The following UBE3C variants were observed in gnomAD, a reference collection of about 807,000 sequenced individuals.
UBE3C encodes the protein ubiquitin-protein ligase E3C.
UBE3C carries 42 observed loss-of-function variants against 129.4 expected under a neutral mutation model. That is an observed-to-expected ratio of 0.32 (90% confidence interval 0.25 to 0.42). The LOEUF is 0.42. Ranked by LOEUF, UBE3C falls within the 10% of genes least tolerant of loss-of-function variation. The probability of loss-of-function intolerance (pLI) is 1.00; values close to 1 mark genes in which losing one functional copy is unlikely to be tolerated. For missense variants in UBE3C, 1,049 were observed against 1,319.1 expected, an observed-to-expected ratio of 0.80 and a Z score of 3.17; for synonymous variants, 510 against 492.4, an observed-to-expected ratio of 1.04 and a Z score of -0.47.
chr7:157,227,324 C>T (rs547148683), intron 17 of UBE3C, among the ~76,000 whole-genome samples: 10 of 152,210 alleles, frequency 6.6e-5, no homozygotes, highest in South Asian at 2.1e-4. Flanking sequence ...GTCAGGGGTA[C>T]TTGCAAGTGG....
At position 157,188,972 on chromosome 7, in the gene UBE3C, C is replaced by T. The variant is rs746620341; in HGVS notation, c.1331+1951C>T. On this transcript the variant is annotated intron_variant, in intron 10 of 22. Transcript: ENST00000348165. ...AGGGTGTACAAATGAATGTGGAGAC[C>T]TTTGTACCCTGACATGGAAAGATTT... is the stretch of plus-strand genomic sequence containing the variant. 9.2e-6 allele frequency: 6 copies of T among 653,644 alleles called. No individual in the cohort carries two copies. The East Asian group carries it at 1.3e-4, about 14-fold the overall frequency. The allele number at this position is 653,644 out of a possible 1,614,324, so 40.5% of individuals were successfully genotyped here.
At chr7:157,179,492 A>G (rs1053032282) in intron 6 of UBE3C, among the ~76,000 whole-genome samples, 1 of 152,204 alleles carries the variant, frequency 6.6e-6, no homozygotes, top group African/African-American at 2.4e-5. Context: ...GAGAAAAAGG[A>G]TGAAATAAAC....
At chr7:157,175,633 A>G (rs2116902567) in intron 5 of UBE3C, among the ~76,000 whole-genome samples, 1 of 152,220 alleles carries the variant, frequency 6.6e-6, no homozygotes, top group African/African-American at 2.4e-5. Flanking sequence ...ATTTCACTTA[A>G]TTTTCTGGAC....
At chr7:157,188,243 A>G (rs183395849) in intron 10 of UBE3C, among the ~76,000 whole-genome samples, 45 of 152,364 alleles carry the variant, frequency 3.0e-4, no homozygotes, top group Middle Eastern at 6.8e-3. Flanking sequence ...TTGTTTTTAT[A>G]AAATGCCATC....
intron 1 of UBE3C, among the ~76,000 whole-genome samples, chr7:157,149,600 C>G (rs1586643352): frequency 6.6e-6 from 1 of 152,164 alleles, no homozygotes; most frequent in Non-Finnish European, 1.5e-5. Flanking sequence ...TCTGGCTTGC[C>G]TCATGATATC....
At chr7:157,158,050 C>CTTTTTTTTTTT (rs60257662) in intron 1 of UBE3C, among the ~76,000 whole-genome samples, 1 of 101,124 alleles carries the variant, frequency 9.9e-6, no homozygotes, top group African/African-American at 4.1e-5. Flanking sequence ...CTCTTTTTTC[C>CTTTTTTTTTTT]TTTTTTTTTT....
At chr7:157,217,052 C>T (rs1441030788) in intron 14 of UBE3C, 81 bp downstream of exon 14, 7 of 1,136,142 alleles carry the variant, frequency 6.2e-6, no homozygotes, top group Non-Finnish European at 6.3e-6. Flanking sequence ...GAATTAAGCA[C>T]TTTAAAATTA....
chr7:157,173,965 G>GT (rs1421110560), intron 4 of UBE3C, among the ~76,000 whole-genome samples: 1 of 152,194 alleles, frequency 6.6e-6, no homozygotes, highest in Admixed American at 6.5e-5. Context: ...TAATTTCATT[G>GT]TTTAATAACG....
chr7:157,183,265 AAGT>A (rs567740224), intron 8 of UBE3C, among the ~76,000 whole-genome samples: 209 of 152,290 alleles, frequency 1.4e-3, no homozygotes, highest in African/African-American at 4.7e-3. Flanking sequence ...GGCCGATTAC[AAGT>A]AGTAGGTTGT....
At chr7:157,192,855 C>G in intron 10 of UBE3C, 1 of 893,358 alleles carries the variant, frequency 1.1e-6, no homozygotes, top group South Asian at 1.5e-5. Flanking sequence ...TAATAAAAGA[C>G]ATGAACTTAA....
At chr7:157,159,688 T>C (rs1256291122) in intron 1 of UBE3C, among the ~76,000 whole-genome samples, 3 of 152,166 alleles carry the variant, frequency 2.0e-5, no homozygotes, top group South Asian at 4.1e-4. Flanking sequence ...ACCAACATGG[T>C]GAAACCTTGT....
intron 11 of UBE3C, among the ~76,000 whole-genome samples, chr7:157,205,979 C>A (rs1436669612): frequency 3.9e-5 from 6 of 152,190 alleles, no homozygotes; most frequent in Non-Finnish European, 7.3e-5. Flanking sequence ...TGCTTTCATA[C>A]ATGATTTGTA....
At chr7:157,242,337 A>G (rs1395278556) in intron 18 of UBE3C, among the ~76,000 whole-genome samples, 1 of 152,204 alleles carries the variant, frequency 6.6e-6, no homozygotes, top group Non-Finnish European at 1.5e-5. Flanking sequence ...GAAATCTGTT[A>G]TCATCGAAGG....
intron 1 of UBE3C, among the ~76,000 whole-genome samples, chr7:157,161,965 T>C (rs1563033866): frequency 6.6e-6 from 1 of 151,614 alleles, no homozygotes; most frequent in African/African-American, 2.4e-5. Context: ...AGTTACTCGG[T>C]AGGCTGTGGC....
In UBE3C at chr7:157,187,008, G is replaced by T; in HGVS notation, c.1318G>T (p.Val440Leu). The T allele has an allele frequency of 1.2e-6, 2 of 1,604,896 alleles. No homozygotes were observed. Among genetic ancestry groups the T allele is most frequent in the East Asian group, 2.2e-5 (1 of 44,488 alleles). Residue 440 changes from valine (V) to leucine (L), a missense_variant, in exon 10 of 23, where the codon GTA becomes TTA. Physicochemically the swap from Val to Leu is conservative, Grantham distance 32. Transcript: ENST00000348165. ...GCTGATGGTGCAGCACCGCATGATGGTACCCAAAGTCAGGCAAGTGTCCGT... is the reference window on the plus strand; with the variant it reads ...GCTGATGGTGCAGCACCGCATGATGTTACCCAAAGTCAGGCAAGTGTCCGT... Reference protein sequence around the residue: ...HTLMVQHRMMVPKVRLLYSLA... With the variant: ...HTLMVQHRMMLPKVRLLYSLA...
chr7:157,148,314 A>G (rs1807661934), intron 1 of UBE3C, among the ~76,000 whole-genome samples: 1 of 152,020 alleles, frequency 6.6e-6, no homozygotes, highest in Non-Finnish European at 1.5e-5. Context: ...TGTTGTCCAT[A>G]CTGGCCTTGA....
intron 15 of UBE3C, chr7:157,221,798 T>A (rs1795743927): frequency 6.6e-6 from 1 of 152,144 alleles, no homozygotes; most frequent in African/African-American, 2.4e-5. Flanking sequence ...GTGGTTTTAA[T>A]TTGTGTCTAC....
Position 157,267,801 on chromosome 7 carries a change from C to G in UBE3C, c.*46C>G. On this transcript the variant is annotated 3_prime_UTR_variant, in exon 23 of 23. Transcript: ENST00000348165. ...CCCTACAGAGAACCAGTGCTTCCTTCGTCAGCAGCGCCTCCCCAGACCCAC... is the reference window on the plus strand; with the variant it reads ...CCCTACAGAGAACCAGTGCTTCCTTGGTCAGCAGCGCCTCCCCAGACCCAC... 1 of 1,504,156 alleles carries G rather than the reference C, an allele frequency of 6.6e-7. No homozygotes were observed. The highest frequency in any genetic ancestry group is 8.9e-7 in the Non-Finnish European group (1 of 1,127,912). The allele number at this position is 1,504,156 out of a possible 1,614,324, so 93.2% of individuals were successfully genotyped here. A position where few individuals can be genotyped will look rare whatever the true frequency, so the allele number is the denominator to read the frequency against.
intron 1 of UBE3C, among the ~76,000 whole-genome samples, chr7:157,142,631 G>A (rs1021006773): frequency 8.5e-5 from 13 of 152,120 alleles, no homozygotes; most frequent in African/African-American, 3.1e-4. Context: ...ACTTTGGGGA[G>A]CTAAACATTG....
Sources: allele counts gnomAD v4.1 joint callset (sites outside exome capture counted in the v4.1 genomes callset), GRCh38; gene constraint gnomAD v4.1.1; transcripts MANE v1.5; gene names NCBI Gene and HGNC (gene_info 2026-07-23, HGNC 2026-07-21).